The following FSTL5 variants were observed in gnomAD, a reference collection of about 807,000 sequenced individuals.
The protein encoded by FSTL5 is follistatin like 5.
A neutral mutation model predicts 89.1 loss-of-function variants in FSTL5; 62 were observed. The observed-to-expected ratio is 0.70, with a 90% confidence interval of 0.57 to 0.86. The LOEUF is 0.86. Ranked by LOEUF, FSTL5 falls within the 40% of genes least tolerant of loss-of-function variation. The pLI, the probability that FSTL5 is intolerant of heterozygous loss-of-function variation, is 0.00. For missense variants in FSTL5, 1,057 were observed against 1,001.6 expected, an observed-to-expected ratio of 1.06 and a Z score of -0.75; for synonymous variants, 383 against 346.2, an observed-to-expected ratio of 1.11 and a Z score of -1.18.
At chr4:161,748,020 GTATAA>G (rs1740261826) in intron 6 of FSTL5, among the ~76,000 whole-genome samples, 1 of 152,028 alleles carries the variant, frequency 6.6e-6, no homozygotes, top group South Asian at 2.1e-4. Context: ...TAAAAAGAAT[GTATAA>G]TATAATATCC....
At chr4:162,106,154 C>A (rs1362566520) in intron 2 of FSTL5, among the ~76,000 whole-genome samples, 1 of 152,142 alleles carries the variant, frequency 6.6e-6, no homozygotes, top group Non-Finnish European at 1.5e-5. Context: ...CACCCTTTGC[C>A]CCATTTGCTC....
chr4:161,663,916 G>A (rs995617006), intron 6 of FSTL5, among the ~76,000 whole-genome samples: 8 of 152,154 alleles, frequency 5.3e-5, no homozygotes, highest in East Asian at 1.9e-4. Flanking sequence ...GTGCACCCAC[G>A]GGCTCAACAC....
intron 12 of FSTL5, among the ~76,000 whole-genome samples, chr4:161,483,258 G>C (rs1385035515): frequency 6.6e-6 from 1 of 152,218 alleles, no homozygotes; most frequent in Non-Finnish European, 1.5e-5. Flanking sequence ...ATATGTACTT[G>C]AGAGGCATGA....
intron 3 of FSTL5, among the ~76,000 whole-genome samples, chr4:161,949,149 C>T (rs1237822152): frequency 1.3e-5 from 2 of 152,068 alleles, no homozygotes. Context: ...TCCTTAGCAC[C>T]TTCAAATACT....
chr4:161,456,981 A>C (rs894053608), intron 14 of FSTL5, among the ~76,000 whole-genome samples: 2 of 152,176 alleles, frequency 1.3e-5, no homozygotes, highest in Non-Finnish European at 2.9e-5. Context: ...GCCTAAAAAA[A>C]CGTAGAGACT....
intron 6 of FSTL5, among the ~76,000 whole-genome samples, chr4:161,701,734 G>C (rs1431226678): frequency 6.6e-6 from 1 of 152,006 alleles, no homozygotes; most frequent in Admixed American, 6.6e-5. Flanking sequence ...TGTAGTTAGA[G>C]GACTACTGAT....
chr4:161,609,608 T>G (rs965998785), intron 7 of FSTL5, among the ~76,000 whole-genome samples: 1 of 152,152 alleles, frequency 6.6e-6, no homozygotes, highest in Non-Finnish European at 1.5e-5. Context: ...TCAAGAACTA[T>G]GAATGGTCTA....
At chr4:161,763,503 G>C (rs945973800) in intron 5 of FSTL5, among the ~76,000 whole-genome samples, 1 of 152,116 alleles carries the variant, frequency 6.6e-6, no homozygotes. Context: ...TTTTGATAAT[G>C]TGAAGGCAAG....
chr4:161,665,184 T>C (rs1178558416), intron 6 of FSTL5, among the ~76,000 whole-genome samples: 1 of 151,982 alleles, frequency 6.6e-6, no homozygotes, highest in African/African-American at 2.4e-5. Flanking sequence ...AAAGTAAAAG[T>C]TTTGTTTTGT....
chr4:161,925,043 T>C (rs767214220), intron 3 of FSTL5, among the ~76,000 whole-genome samples: 40 of 151,810 alleles, frequency 2.6e-4, no homozygotes, highest in Non-Finnish European at 5.0e-4. Flanking sequence ...GCAATCCCTT[T>C]GGGCCTTATT....
chr4:161,567,921 G>A (rs1287911913), intron 8 of FSTL5, among the ~76,000 whole-genome samples: 1 of 151,952 alleles, frequency 6.6e-6, no homozygotes, highest in Non-Finnish European at 1.5e-5. Flanking sequence ...GTAGGAAGAG[G>A]AAAGAATCAT....
In FSTL5 at chr4:161,385,887, C is replaced by T. The variant is rs1190566959; in HGVS notation, c.2404G>A (p.Asp802Asn). The change falls in exon 16 of 16, where the codon GAC becomes AAC. Residue 802 changes from aspartate (D) to asparagine (N), a missense_variant. Physicochemically the swap from Asp to Asn is conservative, Grantham distance 23 (BLOSUM62 1). Around this residue, in one of 3 missense-constraint regions of FSTL5, gnomAD observed 68 missense variants for 73.3 expected, o/e 0.93. Transcript: ENST00000306100. ...AGGTATTGACCAAACAAGCCACTGT[C>T]CTGGATTTGCCTGTTTTTCCGGTTC... Reference protein sequence around the residue: ...PWNRKNRQIQDSGLFGQYLMT... With the variant: ...PWNRKNRQIQNSGLFGQYLMT... 2 of 1,613,768 alleles carry T rather than the reference C, an allele frequency of 1.2e-6. No homozygotes were observed. Among genetic ancestry groups the T allele is most frequent in the Non-Finnish European group, 1.7e-6 (2 of 1,179,930 alleles).
At chr4:161,592,625 A>G (rs529057546) in intron 7 of FSTL5, among the ~76,000 whole-genome samples, 1 of 152,298 alleles carries the variant, frequency 6.6e-6, no homozygotes, top group African/African-American at 2.4e-5. Context: ...ATGGCTGCAT[A>G]GTATTCCATG....
chr4:161,965,720 C>T (rs1000646536), intron 3 of FSTL5, among the ~76,000 whole-genome samples: 4 of 152,070 alleles, frequency 2.6e-5, no homozygotes, highest in Non-Finnish European at 4.4e-5. Flanking sequence ...TGGCATAGTG[C>T]TCACTGGGCC....
At chr4:161,431,126 A>G (rs556845241) in intron 15 of FSTL5, among the ~76,000 whole-genome samples, 1 of 152,202 alleles carries the variant, frequency 6.6e-6, no homozygotes, top group African/African-American at 2.4e-5. Flanking sequence ...GCTATACTGT[A>G]ATAGTAAGTA....
intron 2 of FSTL5, chr4:162,043,165 T>C (rs534421544): frequency 2.6e-5 from 4 of 152,330 alleles, no homozygotes; most frequent in African/African-American, 9.6e-5. Flanking sequence ...TTAAAAGTTA[T>C]GTACATCCTT....
chr4:161,386,262 C>G lies in FSTL5; in HGVS notation c.2029G>C (p.Val677Leu), dbSNP rs1407379782. The change falls in exon 16 of 16, where the codon GTC becomes CTC. Residue 677 changes from valine to leucine, a missense_variant. By Grantham distance (32) the Val-to-Leu change is conservative. Coordinates refer to ENST00000306100, the MANE Select transcript of FSTL5 (RefSeq NM_020116.5). ...PDSTGAVSPQ[V>L]MVDGVTDSVI... ...GAGTCAGTTACACCGTCCACCATGA[C>G]CTGTGGGGAAACTGCTCCGGTGCTG... 6.2e-7 allele frequency: 1 copy of G among 1,613,850 alleles called. No individual in the cohort carries two copies. The highest frequency in any genetic ancestry group is 1.3e-5 in the African/African-American group (1 of 74,878).
chr4:161,470,823 C>T (rs979611200), intron 13 of FSTL5, among the ~76,000 whole-genome samples: 3 of 152,086 alleles, frequency 2.0e-5, no homozygotes, highest in Non-Finnish European at 2.9e-5. Flanking sequence ...TTAATCTCTA[C>T]GTATTTTACT....
At chr4:161,982,550 A>T (rs1172653538) in intron 3 of FSTL5, among the ~76,000 whole-genome samples, 1 of 152,194 alleles carries the variant, frequency 6.6e-6, no homozygotes, top group East Asian at 1.9e-4. Context: ...ATTCCTGGCC[A>T]CACTTGTGTT....
Sources: gnomAD v4.1 joint callset for allele counts (sites outside exome capture counted in the v4.1 genomes callset) on GRCh38, gnomAD v4.1.1 for gene constraint, gnomAD v4.1.1 regional missense constraint, MANE v1.5 for transcripts, NCBI Gene and HGNC (gene_info 2026-07-23, HGNC 2026-07-21) for gene names.